The following KCNH1 variants were observed in gnomAD, a reference collection of about 807,000 sequenced individuals.
KCNH1 encodes potassium voltage-gated channel subfamily H member 1, also known as voltage-gated delayed rectifier potassium channel KCNH1.
In KCNH1, 27 loss-of-function variants were observed where a neutral mutation model predicts 69.2. That is an observed-to-expected ratio of 0.39 (90% confidence interval 0.29 to 0.54). The LOEUF (loss-of-function observed/expected upper bound fraction) is 0.54. Ranked by LOEUF, KCNH1 falls within the 20% of genes least tolerant of loss-of-function variation. The pLI is 0.68. For synonymous variants in KCNH1, 456 were observed against 487.7 expected, an observed-to-expected ratio of 0.93 and a Z score of 0.86; for missense variants, 798 against 1,261.6, an observed-to-expected ratio of 0.63 and a Z score of 5.57.
chr1:210,947,090 T>C (rs78075381), intron 6 of KCNH1, among the ~76,000 whole-genome samples: 1 of 152,366 alleles, frequency 6.6e-6, no homozygotes, highest in East Asian at 1.9e-4. Flanking sequence ...CCTACTGTTC[T>C]TGTGCCTGGT....
intron 10 of KCNH1, among the ~76,000 whole-genome samples, chr1:210,687,448 C>T (rs1681431353): frequency 6.6e-6 from 1 of 152,184 alleles, no homozygotes; most frequent in Non-Finnish European, 1.5e-5. Context: ...TCCAAAGTGT[C>T]ATCTTAGGCT....
intron 5 of KCNH1, among the ~76,000 whole-genome samples, chr1:211,037,978 G>A (rs1455324488): frequency 2.0e-4 from 6 of 29,982 alleles, no homozygotes; most frequent in African/African-American, 9.4e-4. Context: ...TTTTTTTTTT[G>A]AGATGGAGTC....
At chr1:210,748,418 A>C (rs1287731295) in intron 10 of KCNH1, among the ~76,000 whole-genome samples, 1 of 152,158 alleles carries the variant, frequency 6.6e-6, no homozygotes, top group Non-Finnish European at 1.5e-5. Context: ...GAACTCCCAA[A>C]CCATAATCCC....
At chr1:210,832,859 T>C (rs1685190601) in intron 7 of KCNH1, among the ~76,000 whole-genome samples, 1 of 149,114 alleles carries the variant, frequency 6.7e-6, no homozygotes. Flanking sequence ...TTACAATGGC[T>C]GTACTCATCT....
chr1:210,890,213 A>C (rs527770801), intron 7 of KCNH1, among the ~76,000 whole-genome samples: 36 of 152,216 alleles, frequency 2.4e-4, no homozygotes, highest in Non-Finnish European at 4.0e-4. Flanking sequence ...CCAGTGGAAC[A>C]GAACAGAGGC....
rs936383772 is a variant in KCNH1, at chr1:211,124,367, A to C, written c.79+9500T>G. Among the ~76,000 whole-genome samples, 5 of 152,148 alleles carry C rather than the reference A, an allele frequency of 3.3e-5. No homozygotes were observed. The East Asian group carries it at 9.7e-4, about 29-fold the overall frequency. ...GAATGGTCTGCACAAAATGTTAAGA[A>C]ACCACTTTTGGCTCATGCCTATAAT... On this transcript the variant is annotated intron_variant, in intron 1 of 10. Transcript: ENST00000271751.
chr1:211,039,932 G>A lies in KCNH1; in HGVS notation c.559-20676C>T, dbSNP rs534959624. On this transcript the variant is annotated intron_variant, in intron 5 of 10. Coordinates refer to ENST00000271751, the MANE Select transcript of KCNH1 (RefSeq NM_172362.3). ...GGGCTGGGTGCGGTGGCTCACGCCT[G>A]TAATCCCAGCACTTTGGGAGGCTGA... is the stretch of plus-strand genomic sequence containing the variant. 2.6e-5 allele frequency among the ~76,000 whole-genome samples: 4 copies of A among 152,302 alleles called. No individual in the cohort carries two copies. The South Asian group carries it at 6.2e-4, about 24-fold the overall frequency.
At chr1:210,729,891 G>A (rs534072433) in intron 10 of KCNH1, among the ~76,000 whole-genome samples, 1 of 152,180 alleles carries the variant, frequency 6.6e-6, no homozygotes, top group Non-Finnish European at 1.5e-5. Context: ...ATATCAGCTT[G>A]CTTTGAGACT....
chr1:211,099,418 A>T (rs1018842591), intron 3 of KCNH1, among the ~76,000 whole-genome samples: 1 of 152,206 alleles, frequency 6.6e-6, no homozygotes, highest in African/African-American at 2.4e-5. Flanking sequence ...TTAAAATCTC[A>T]ACAAGAACTT....
chr1:211,106,595 C>T (rs1316514766), intron 2 of KCNH1, among the ~76,000 whole-genome samples: 2 of 148,184 alleles, frequency 1.3e-5, no homozygotes, highest in African/African-American at 5.0e-5. Context: ...ACCAGCCTGG[C>T]CAACATGGTG....
chr1:211,001,227 A>G (rs1267498936), intron 6 of KCNH1, among the ~76,000 whole-genome samples: 1 of 152,224 alleles, frequency 6.6e-6, no homozygotes, highest in Non-Finnish European at 1.5e-5. Flanking sequence ...TGAACAGGCA[A>G]CCTACAGAGT....
intron 7 of KCNH1, among the ~76,000 whole-genome samples, chr1:210,852,566 G>T (rs1685729122): frequency 6.6e-6 from 1 of 152,060 alleles, no homozygotes; most frequent in South Asian, 2.1e-4. Context: ...AGAGCCCCTT[G>T]TCCTTTGTGA....
chr1:210,872,727 T>A (rs1382657587), intron 7 of KCNH1, among the ~76,000 whole-genome samples: 1 of 152,146 alleles, frequency 6.6e-6, no homozygotes, highest in African/African-American at 2.4e-5. Context: ...TCACTCACTA[T>A]CATGAGAACA....
chr1:210,704,074 G>T (rs898755208), intron 10 of KCNH1, among the ~76,000 whole-genome samples: 2 of 152,154 alleles, frequency 1.3e-5, no homozygotes, highest in African/African-American at 4.8e-5. Context: ...GCAAGGAGAG[G>T]TGCCCTGGGC....
intron 10 of KCNH1, among the ~76,000 whole-genome samples, chr1:210,690,781 G>A (rs1558424556): frequency 1.3e-5 from 2 of 152,234 alleles, no homozygotes; most frequent in South Asian, 4.1e-4. Context: ...GAGGGACCTA[G>A]GCCTGTTCGG....
intron 9 of KCNH1, among the ~76,000 whole-genome samples, chr1:210,780,518 G>A (rs1683955764): frequency 6.6e-6 from 1 of 152,206 alleles, no homozygotes; most frequent in Non-Finnish European, 1.5e-5. Context: ...TGCAGTGGGG[G>A]AAGGAGATGC....
chr1:210,966,649 C>A (rs1188504040), intron 6 of KCNH1, among the ~76,000 whole-genome samples: 6 of 152,156 alleles, frequency 3.9e-5, no homozygotes, highest in Admixed American at 6.5e-5. Flanking sequence ...CAGACAAATG[C>A]AAATCAAAAC....
intron 7 of KCNH1, among the ~76,000 whole-genome samples, chr1:210,857,884 T>A (rs1239996740): frequency 6.6e-6 from 1 of 152,170 alleles, no homozygotes; most frequent in African/African-American, 2.4e-5. Flanking sequence ...GTATCAATAG[T>A]GGTTTCTGGA....
chr1:210,692,883 T>A lies in KCNH1; in HGVS notation c.2113-8745A>T, dbSNP rs1337859878. Among the ~76,000 whole-genome samples, 5 of 152,244 alleles carry A rather than the reference T, an allele frequency of 3.3e-5. No homozygotes were observed. The East Asian group carries it at 7.7e-4, about 24-fold the overall frequency. ...TCCAGAACTGTGAAAGAGAAGCAAT[T>A]TGTTTTAAGCCACCAAGTCTGTGGT... On this transcript the variant is annotated intron_variant, in intron 10 of 10. Transcript: ENST00000271751.
Sources: allele counts gnomAD v4.1 joint callset (sites outside exome capture counted in the v4.1 genomes callset), GRCh38; gene constraint gnomAD v4.1.1; transcripts MANE v1.5; gene names NCBI Gene and HGNC (gene_info 2026-07-23, HGNC 2026-07-21).